The following SPTY2D1 variants were observed in gnomAD, a reference collection of about 807,000 sequenced individuals.
The protein encoded by SPTY2D1 is SPT2 chromatin protein domain containing 1.
A neutral mutation model predicts 64.0 loss-of-function variants in SPTY2D1; 21 were observed. That is an observed-to-expected ratio of 0.33 (90% CI 0.23 to 0.47). The LOEUF (loss-of-function observed/expected upper bound fraction) is 0.47, where lower values mean the gene tolerates loss of function less well. SPTY2D1 is among the 20% of genes least tolerant of loss of function. The pLI is 1.00. For synonymous variants in SPTY2D1, 287 were observed against 286.8 expected (o/e 1.00, Z -0.01); for missense variants, 724 against 837.2 (o/e 0.86, Z 1.67).
rs578053848 is a variant in SPTY2D1, at chr11:18,631,535, C to T, written c.60+2663G>A. On this transcript the variant is annotated intron_variant, in intron 1 of 5. Coordinates refer to ENST00000336349, the MANE Select transcript of SPTY2D1 (RefSeq NM_194285.3). The stretch of plus-strand genomic sequence containing the variant: ...TTTCGCCACTGCACTCCAGCCTGGG[C>T]AACAGAGACTCCATCTCAAAAAAAA... 6.6e-5 allele frequency among the ~76,000 whole-genome samples: 9 copies of T among 136,822 alleles called. No homozygotes were observed. In the East Asian group the frequency reaches 1.8e-3, roughly 27 times the overall value. 89.8% of individuals were successfully genotyped at this position (136,822 alleles called of 152,430 possible). A position where few individuals can be genotyped will look rare whatever the true frequency, so the allele number is the denominator to read the frequency against.
intron 1 of SPTY2D1, among the ~76,000 whole-genome samples, chr11:18,629,649 C>T (rs1211074292): frequency 1.3e-5 from 2 of 152,170 alleles, no homozygotes; most frequent in Non-Finnish European, 2.9e-5. Flanking sequence ...ATCTTTTCTC[C>T]TTTATATATA....
rs749489129 is a variant in SPTY2D1, at chr11:18,612,769, C to CTT, written c.1712-283_1712-282dup. 1.4e-5 allele frequency among the ~76,000 whole-genome samples: 2 copies of CTT among 143,050 alleles called. No homozygotes were observed. Among genetic ancestry groups the CTT allele is most frequent in the Admixed American group, 7.0e-5 (1 of 14,222 alleles). 93.8% of individuals were successfully genotyped at this position (143,050 alleles called of 152,430 possible). A position where few individuals can be genotyped will look rare whatever the true frequency, so the allele number is the denominator to read the frequency against. ...TAAGATCAGTAAAATTTCTTTCTTTCTTTTTTTTTTTTTTGAGACAGAGTT... is the reference window on the plus strand; with the variant it reads ...TAAGATCAGTAAAATTTCTTTCTTTCTTTTTTTTTTTTTTTTGAGACAGAGTT... On this transcript the variant is annotated intron_variant, in intron 3 of 5. Transcript: ENST00000336349. This position sits in a 1 kb window ranked among gnomAD's most constrained non-coding sequence, Gnocchi z 4.6.
At chr11:18,610,346 A>G (rs1281428716) in intron 5 of SPTY2D1, 1 of 167,904 alleles carries the variant, frequency 6.0e-6, no homozygotes, top group South Asian at 1.4e-4. Context: ...CTGGCTTGAG[A>G]CTGAAGTGAA....
intron 1 of SPTY2D1, among the ~76,000 whole-genome samples, chr11:18,630,852 C>G (rs933856499): frequency 6.6e-6 from 1 of 152,090 alleles, no homozygotes; most frequent in Non-Finnish European, 1.5e-5. Context: ...GACAGAGTCT[C>G]GCTCTGTCAC....
rs1447544006 is a variant in SPTY2D1, at chr11:18,612,869, A to G, written c.1712-381T>C. On this transcript the variant is annotated intron_variant, in intron 3 of 5. Transcript: ENST00000336349. This position sits in a 1 kb window ranked among gnomAD's most constrained non-coding sequence, Gnocchi z 4.6. ...AACCTCTGCCTCCCAGGTTCAAGCA[A>G]TTCTCCTGCCTCAGCCTCCCGAGTA... is the stretch of plus-strand genomic sequence containing the variant. 6.6e-6 allele frequency among the ~76,000 whole-genome samples: 1 copy of G among 151,916 alleles called. No homozygotes were observed. The highest frequency in any genetic ancestry group is 1.5e-5 in the Non-Finnish European group (1 of 67,988).
chr11:18,632,221 G>A (rs1371302338), intron 1 of SPTY2D1, among the ~76,000 whole-genome samples: 1 of 151,708 alleles, frequency 6.6e-6, no homozygotes, highest in African/African-American at 2.4e-5. Context: ...AGTTTCTTTT[G>A]TGACTTTAAT....
chr11:18,626,005 G>T (rs1854491601), intron 1 of SPTY2D1, among the ~76,000 whole-genome samples: 1 of 151,956 alleles, frequency 6.6e-6, no homozygotes, highest in Non-Finnish European at 1.5e-5. Flanking sequence ...ATTTTTAGTA[G>T]AGACAGGTTT....
chr11:18,609,741 A>G lies in SPTY2D1; in HGVS notation c.*120T>C, dbSNP rs1284366550. 1.3e-6 allele frequency: 1 copy of G among 794,230 alleles called. No individual in the cohort carries two copies. Among genetic ancestry groups the G allele is most frequent in the East Asian group, 2.5e-5 (1 of 39,974 alleles). 49.2% of individuals were successfully genotyped at this position (794,230 alleles called of 1,614,324 possible). A position where few individuals can be genotyped will look rare whatever the true frequency, so the allele number is the denominator to read the frequency against. Reference sequence around the variant, plus strand: ...TGACAGCCTGCAAATGACAGTATGCATTCCTTCTCCTTGAGTACCCAAGTA... The same window carrying G: ...TGACAGCCTGCAAATGACAGTATGCGTTCCTTCTCCTTGAGTACCCAAGTA... On this transcript the variant is annotated 3_prime_UTR_variant, in exon 6 of 6. Coordinates refer to ENST00000336349, the MANE Select transcript of SPTY2D1 (RefSeq NM_194285.3).
intron 1 of SPTY2D1, among the ~76,000 whole-genome samples, chr11:18,628,401 T>C (rs2134118160): frequency 6.6e-6 from 1 of 152,350 alleles, no homozygotes; most frequent in East Asian, 1.9e-4. Flanking sequence ...AAAAGGGGGT[T>C]GCAATCAGAC....
rs535966669 is a variant in SPTY2D1, at chr11:18,612,605, G to T, written c.1712-117C>A. 20 of 913,518 alleles carry T rather than the reference G, an allele frequency of 2.2e-5. No homozygotes were observed. The highest frequency in any genetic ancestry group is 2.8e-5 in the Non-Finnish European group (18 of 647,538). 56.6% of individuals were successfully genotyped at this position (913,518 alleles called of 1,614,324 possible). Reference sequence around the variant, plus strand: ...GTATCCTTTAAAACCAGAGCAAGCAGGCTGGCCCTTAGCGCAGAGCCATCA... The same window carrying T: ...GTATCCTTTAAAACCAGAGCAAGCATGCTGGCCCTTAGCGCAGAGCCATCA... On this transcript the variant is annotated intron_variant, in intron 3 of 5. Transcript: ENST00000336349. The surrounding 1 kb of genome is among the most constrained non-coding windows in gnomAD (Gnocchi z 4.6).
In SPTY2D1 at chr11:18,614,918, T is replaced by C; in HGVS notation, c.1356A>G (p.Ser452=). The change falls in exon 3 of 6, where the codon TCA becomes TCG. Residue 452 remains serine, a synonymous_variant. Transcript: ENST00000336349. ...TGCCCAAGGGTCTTGCAGAACTAAC[T>C]GAACCACTGATGGGTCGCCCAGGGC... is the stretch of plus-strand genomic sequence containing the variant. The part of the protein sequence containing the change: ...SGGPGRPISG[S]VSSARPLGSS... 2.5e-6 allele frequency: 4 copies of C among 1,613,702 alleles called. No individual in the cohort carries two copies. The highest frequency in any genetic ancestry group is 3.4e-6 in the Non-Finnish European group (4 of 1,179,672).
chr11:18,629,488 G>A (rs976930141), intron 1 of SPTY2D1, among the ~76,000 whole-genome samples: 8 of 152,074 alleles, frequency 5.3e-5, no homozygotes, highest in Non-Finnish European at 1.2e-4. Context: ...GGGCGACAGA[G>A]TGAGACTTTG....
rs1854125139 is a variant in SPTY2D1, at chr11:18,607,295, AAGT to A, written c.*2563_*2565del. 6.5e-6 allele frequency: 1 copy of A among 152,886 alleles called. No homozygotes were observed. The highest frequency in any genetic ancestry group is 6.5e-5 in the Admixed American group (1 of 15,282). The allele number at this position is 152,886 out of a possible 1,614,324, so 9.5% of individuals were successfully genotyped here. A position where few individuals can be genotyped will look rare whatever the true frequency, so the allele number is the denominator to read the frequency against. On this transcript the variant is annotated 3_prime_UTR_variant, in exon 6 of 6. Coordinates refer to ENST00000336349, the MANE Select transcript of SPTY2D1 (RefSeq NM_194285.3). ...GTTTAGCGAAAATACAAAGTTCTGAAAGTAGCCTTAAAAGAAGTGCCCTTTGCT... is the reference window on the plus strand; with the variant it reads ...GTTTAGCGAAAATACAAAGTTCTGAAAGCCTTAAAAGAAGTGCCCTTTGCT...
intron 1 of SPTY2D1, among the ~76,000 whole-genome samples, chr11:18,623,204 T>G (rs573408869): frequency 3.3e-5 from 5 of 152,312 alleles, no homozygotes; most frequent in East Asian, 3.9e-4. Context: ...AAAAAATCCA[T>G]GTATAAGTGG....
At chr11:18,616,844 T>A (rs1210312439) in intron 2 of SPTY2D1, 31 bp downstream of exon 2, 22 of 1,602,188 alleles carry the variant, frequency 1.4e-5, no homozygotes, top group Non-Finnish European at 1.9e-5. Context: ...TGGAATACTT[T>A]AAAATTGAGA....
At position 18,624,561 on chromosome 11, in the gene SPTY2D1, A is replaced by G. The variant is rs116239947; in HGVS notation, c.61-7572T>C. 3.1e-3 allele frequency among the ~76,000 whole-genome samples: 477 copies of G among 152,364 alleles called. 4 individuals carry two copies. Among genetic ancestry groups the G allele is most frequent in the African/African-American group, 0.011 (460 of 41,590 alleles). On this transcript the variant is annotated intron_variant, in intron 1 of 5. Transcript: ENST00000336349. ...GCCAAGATTTGTAACTCTGAAGCCA[A>G]GAGCTTTAGAAAATATTAAGCCACT...
rs368366984 is a variant in SPTY2D1, at chr11:18,634,304, G to T, written c.-47C>A. 55 of 1,606,094 alleles carry T rather than the reference G, an allele frequency of 3.4e-5. No individual in the cohort carries two copies. The African/African-American group carries it at 6.1e-4, about 18-fold the overall frequency. ...CTGGGCCAGGCACTCGGAAAGGACT[G>T]ACAGCGCACCTAACCGAGGCGCCCA... is the stretch of plus-strand genomic sequence containing the variant. On this transcript the variant is annotated 5_prime_UTR_variant, in exon 1 of 6. Transcript: ENST00000336349.
chr11:18,627,945 G>A (rs1226520942), intron 1 of SPTY2D1, among the ~76,000 whole-genome samples: 1 of 152,152 alleles, frequency 6.6e-6, no homozygotes, highest in Non-Finnish European at 1.5e-5. Context: ...CTACTCGGGA[G>A]TCTGAGGCAG....
chr11:18,615,375 A>T lies in SPTY2D1; in HGVS notation c.899T>A (p.Leu300His). 6.2e-7 allele frequency: 1 copy of T among 1,614,162 alleles called. No homozygotes were observed. Among genetic ancestry groups the T allele is most frequent in the Non-Finnish European group, 8.5e-7 (1 of 1,180,024 alleles). ...AACAGGTTTGTCGTGGCCCTCACGA[A>T]GTGAGGGTTGGGAGCTATTGCCAGA... ...AGSGNSSQPS[L>H]REGHDKPVFN... The change falls in exon 3 of 6, where the codon CTT becomes CAT. Residue 300 changes from leucine to histidine, a missense_variant. Leu to His is a moderately conservative substitution (Grantham distance 99). Coordinates refer to ENST00000336349, the MANE Select transcript of SPTY2D1 (RefSeq NM_194285.3).
Sources: gnomAD v4.1 joint callset for allele counts (sites outside exome capture counted in the v4.1 genomes callset) on GRCh38, gnomAD v4.1.1 for gene constraint, Gnocchi (gnomAD v3.1) non-coding constraint, MANE v1.5 for transcripts, NCBI Gene and HGNC (gene_info 2026-07-23, HGNC 2026-07-21) for gene names.